The following MGAT4C variants were observed in gnomAD, a reference collection of about 807,000 sequenced individuals.
The protein encoded by MGAT4C is alpha-1,3-mannosyl-glycoprotein 4-beta-N-acetylglucosaminyltransferase C.
In MGAT4C, 19 loss-of-function variants were observed where a neutral mutation model predicts 40.1. The ratio of observed to expected loss-of-function variants is 0.47; its 90% CI spans 0.33 to 0.70. MGAT4C has a LOEUF of 0.70. Ranked by LOEUF, MGAT4C falls within the 30% of genes least tolerant of loss-of-function variation. The probability of loss-of-function intolerance (pLI) is 0.02; values close to 1 mark genes in which losing one functional copy is unlikely to be tolerated. For synonymous variants in MGAT4C, 181 were observed against 187.1 expected (o/e 0.97, Z 0.27); for missense variants, 491 against 563.2 (o/e 0.87, Z 1.30).
At chr12:86,343,612 T>C (rs1283278008) in intron 3 of MGAT4C, among the ~76,000 whole-genome samples, 2 of 152,192 alleles carry the variant, frequency 1.3e-5, no homozygotes, top group African/African-American at 4.8e-5. Context: ...GAGAAATGCA[T>C]TGTGTAAAAC....
intron 1 of MGAT4C, among the ~76,000 whole-genome samples, chr12:86,233,117 T>C (rs1283571255): frequency 6.6e-6 from 1 of 152,240 alleles, no homozygotes; most frequent in Admixed American, 6.5e-5. Context: ...TTTATTCTGT[T>C]GTATCATATG....
chr12:86,747,845 G>A (rs1325124938), intron 1 of MGAT4C, among the ~76,000 whole-genome samples: 1 of 151,392 alleles, frequency 6.6e-6, no homozygotes, highest in Non-Finnish European at 1.5e-5. Context: ...CCTGAGTTGT[G>A]CGTATGAGGA....
chr12:86,832,613 G>A (rs1371173441), intron 1 of MGAT4C, among the ~76,000 whole-genome samples: 1 of 151,744 alleles, frequency 6.6e-6, no homozygotes, highest in Non-Finnish European at 1.5e-5. Flanking sequence ...ACAGTGCTAT[G>A]TAATAGATAT....
At chr12:86,214,300 G>A (rs1237677878) in intron 1 of MGAT4C, among the ~76,000 whole-genome samples, 4 of 150,520 alleles carry the variant, frequency 2.7e-5, no homozygotes, top group Non-Finnish European at 6.0e-5. Context: ...CTTTCCCCTA[G>A]TGACAATTAG....
At chr12:86,585,373 A>G (rs1465545000) in intron 2 of MGAT4C, among the ~76,000 whole-genome samples, 1 of 151,568 alleles carries the variant, frequency 6.6e-6, no homozygotes, top group African/African-American at 2.4e-5. Flanking sequence ...GCATTGAACT[A>G]GACATTCTTT....
intron 2 of MGAT4C, among the ~76,000 whole-genome samples, chr12:86,569,802 C>A (rs1002260397): frequency 8.6e-5 from 13 of 151,922 alleles, no homozygotes; most frequent in South Asian, 2.1e-4. Context: ...GACTGGCAAT[C>A]GATGAAGGGA....
chr12:86,040,484 G>A (rs1409119436), intron 2 of MGAT4C, among the ~76,000 whole-genome samples: 5 of 152,216 alleles, frequency 3.3e-5, no homozygotes, highest in Non-Finnish European at 7.3e-5. Flanking sequence ...TTGCTGAGCT[G>A]TGGTGGGCTC....
intron 2 of MGAT4C, among the ~76,000 whole-genome samples, chr12:86,533,631 CTATATACACACATTATTG>C (rs1421566554): frequency 6.6e-6 from 1 of 151,328 alleles, no homozygotes; most frequent in Non-Finnish European, 1.5e-5. Context: ...CTATATACTA[CTATATACACACATTATTG>C]TATATACACA....
intron 3 of MGAT4C, among the ~76,000 whole-genome samples, chr12:86,367,479 G>A (rs61133374): frequency 0.099 from 15,031 of 152,184 alleles, 862 homozygotes; most frequent in Middle Eastern, 0.22. Flanking sequence ...AGCCTCCGCT[G>A]AATGCTTCAA....
chr12:86,624,809 A>T (rs1275823999), intron 2 of MGAT4C, among the ~76,000 whole-genome samples: 3 of 152,176 alleles, frequency 2.0e-5, no homozygotes, highest in Non-Finnish European at 4.4e-5. Context: ...ACTCAATAAA[A>T]GTTGTCCATT....
chr12:86,099,153 T>G (rs867665734), intron 1 of MGAT4C, among the ~76,000 whole-genome samples: 10 of 151,584 alleles, frequency 6.6e-5, no homozygotes, highest in Middle Eastern at 3.4e-3. Flanking sequence ...ATGTGGTGTG[T>G]TATATTTTTA....
intron 1 of MGAT4C, among the ~76,000 whole-genome samples, chr12:86,217,056 C>A (rs999429893): frequency 2.6e-5 from 4 of 152,028 alleles, no homozygotes; most frequent in Non-Finnish European, 5.9e-5. Context: ...ATTCTTATCA[C>A]CAAAAATTGA....
intron 1 of MGAT4C, among the ~76,000 whole-genome samples, chr12:86,116,796 C>T (rs533125469): frequency 2.0e-5 from 3 of 152,200 alleles, no homozygotes; most frequent in Admixed American, 1.3e-4. Flanking sequence ...CGATAACATA[C>T]AGGATGATTT....
chr12:86,024,975 C>A (rs1250066973), intron 2 of MGAT4C, among the ~76,000 whole-genome samples: 3 of 151,486 alleles, frequency 2.0e-5, no homozygotes, highest in Non-Finnish European at 3.0e-5. Flanking sequence ...AACTATATGA[C>A]AATCTTGATT....
At chr12:86,513,283 T>C (rs1296550362) in intron 2 of MGAT4C, among the ~76,000 whole-genome samples, 2 of 152,176 alleles carry the variant, frequency 1.3e-5, no homozygotes, top group Admixed American at 6.6e-5. Context: ...AAATAGTTAC[T>C]ATCCATTCAA....
Position 86,681,122 on chromosome 12 carries a change from TTCTC to T in MGAT4C, c.-229+46083_-229+46086del, listed in dbSNP as rs539319262. ...TTAGTAATTTCTGTGATATATGTGA[TTCTC>T]TCTATGTATGGATGCTATATTTATT... On this transcript the variant is annotated intron_variant, in intron 2 of 7. Transcript: ENST00000548651. Among the ~76,000 whole-genome samples the T allele has an allele frequency of 5.1e-3, 772 of 152,060 alleles. 2 individuals carry two copies. The highest frequency in any genetic ancestry group is 8.3e-3 in the Non-Finnish European group (561 of 67,876).
rs1187380051 is a variant in MGAT4C, at chr12:85,969,264, T to A, written c.*10025A>T. 6.6e-6 allele frequency: 1 copy of A among 151,738 alleles called. No homozygotes were observed. The highest frequency in any genetic ancestry group is 6.6e-5 in the Admixed American group (1 of 15,196). The allele number at this position is 151,738 out of a possible 1,614,324, so 9.4% of individuals were successfully genotyped here. A position where few individuals can be genotyped will look rare whatever the true frequency, so the allele number is the denominator to read the frequency against. On this transcript the variant is annotated 3_prime_UTR_variant, in exon 5 of 5. Transcript: ENST00000611864. ...TATTAAACACTCAGTTCATGTAAGCTATAGGCCAATAAACACAACTTTGGG... is the reference window on the plus strand; with the variant it reads ...TATTAAACACTCAGTTCATGTAAGCAATAGGCCAATAAACACAACTTTGGG...
At chr12:86,068,898 G>C in intron 1 of MGAT4C, among the ~76,000 whole-genome samples, 1 of 152,076 alleles carries the variant, frequency 6.6e-6, no homozygotes, top group East Asian at 1.9e-4. Flanking sequence ...GTGTGGCCTT[G>C]CACTCTGTGA....
rs149624825 is a variant in MGAT4C at position 86,039,547 on chromosome 12, C to T, written c.-7+10127G>A. ...ACTTTTGTATGCTTCATGAAGTTCT[C>T]GTGCTGTGTTTTTTCAGCTCCATCA... On this transcript the variant is annotated intron_variant, in intron 2 of 4. Coordinates refer to ENST00000611864, the MANE Select transcript of MGAT4C (RefSeq NM_001351288.2). Among the ~76,000 whole-genome samples the T allele has an allele frequency of 2.3e-3, 345 of 152,196 alleles. 3 individuals carry two copies. Among genetic ancestry groups the T allele is most frequent in the Middle Eastern group, 0.01 (3 of 294 alleles).
Sources: gnomAD v4.1 joint callset for allele counts (sites outside exome capture counted in the v4.1 genomes callset) on GRCh38, gnomAD v4.1.1 for gene constraint, MANE v1.5 for transcripts, NCBI Gene and HGNC (gene_info 2026-07-23, HGNC 2026-07-21) for gene names.